Variants in XRRA1 observed in about 807,000 individuals in gnomAD.
The protein encoded by XRRA1 is X-ray radiation resistance associated 1.
A neutral mutation model predicts 80.2 loss-of-function variants in XRRA1; 69 were observed. The observed-to-expected ratio is 0.86, with a 90% CI of 0.71 to 1.05. The LOEUF (loss-of-function observed/expected upper bound fraction) is 1.05, where lower values mean the gene tolerates loss of function less well. XRRA1 is among the 50% of genes least tolerant of loss of function. XRRA1 has a pLI of 0.00. For missense variants in XRRA1, 967 were observed against 976.4 expected, an observed-to-expected ratio of 0.99 and a Z score of 0.13; for synonymous variants, 348 against 389.9, an observed-to-expected ratio of 0.89 and a Z score of 1.27.
chr11:74,877,040 C>G (rs761792201), intron 10 of XRRA1: 1 of 152,188 alleles, frequency 6.6e-6, no homozygotes, highest in East Asian at 1.9e-4. Flanking sequence ...GTTATACTTA[C>G]TCTGCTATTT....
At chr11:74,917,626 T>C (rs1304232196) in intron 8 of XRRA1, among the ~76,000 whole-genome samples, 2 of 152,198 alleles carry the variant, frequency 1.3e-5, no homozygotes, top group Non-Finnish European at 2.9e-5. Flanking sequence ...GGATATCACA[T>C]AAACCAAAAC....
intron 6 of XRRA1, among the ~76,000 whole-genome samples, chr11:74,929,536 A>C (rs532198048): frequency 6.6e-6 from 1 of 152,290 alleles, no homozygotes; most frequent in African/African-American, 2.4e-5. Context: ...AGTCGCTGCC[A>C]ATCTGTCTAG....
At chr11:74,930,444 C>T (rs767006627) in intron 5 of XRRA1, 72 bp from the exon 6 acceptor site, 1 of 1,216,162 alleles carries the variant, frequency 8.2e-7, no homozygotes, top group African/African-American at 1.5e-5. Context: ...CTTGCTGAAG[C>T]TTCAGGGCCA....
intron 10 of XRRA1, among the ~76,000 whole-genome samples, chr11:74,886,158 A>C (rs118190936): frequency 0.063 from 9,656 of 152,278 alleles, 417 homozygotes; most frequent in Middle Eastern, 0.14. Context: ...GGAACAAGAC[A>C]GGATGCCCAC....
intron 10 of XRRA1, among the ~76,000 whole-genome samples, chr11:74,872,753 C>G (rs995985899): frequency 6.6e-6 from 1 of 152,158 alleles, no homozygotes; most frequent in Non-Finnish European, 1.5e-5. Flanking sequence ...GCAGCTGAAA[C>G]TGTCATTACT....
At chr11:74,928,797 A>G (rs1942855895) in intron 6 of XRRA1, among the ~76,000 whole-genome samples, 1 of 152,160 alleles carries the variant, frequency 6.6e-6, no homozygotes, top group South Asian at 2.1e-4. Flanking sequence ...CCTGGAAGTA[A>G]AGCTACTAGA....
chr11:74,874,233 CAAAAAAAAAAAAAAAAAA>C (rs367875228), intron 10 of XRRA1, among the ~76,000 whole-genome samples: 2 of 48,292 alleles, frequency 4.1e-5, no homozygotes, highest in East Asian at 6.7e-4. Context: ...GACTCCGTCT[CAAAAAAAAAAAAAAAAAA>C]AAAAAAAAAA....
chr11:74,866,958 C>G (rs1326587899), intron 10 of XRRA1, among the ~76,000 whole-genome samples: 3 of 152,180 alleles, frequency 2.0e-5, no homozygotes, highest in Admixed American at 6.5e-5. Flanking sequence ...CTTTCCAAAT[C>G]TGGAGACTGG....
chr11:74,933,941 C>A (rs1161195040), intron 4 of XRRA1, 69 bp from the exon 5 acceptor site: 45 of 1,391,860 alleles, frequency 3.2e-5, no homozygotes, highest in Non-Finnish European at 1.0e-5. Context: ...TACCACTCAG[C>A]CTTCTCTTGT....
chr11:74,869,171 A>G (rs186052663), intron 10 of XRRA1, among the ~76,000 whole-genome samples: 6 of 152,344 alleles, frequency 3.9e-5, no homozygotes, highest in Admixed American at 2.6e-4. Flanking sequence ...ACAGCACCAT[A>G]AAATAGAAAT....
chr11:74,874,913 C>T (rs1335952685), intron 10 of XRRA1, among the ~76,000 whole-genome samples: 4 of 152,194 alleles, frequency 2.6e-5, no homozygotes, highest in Admixed American at 6.5e-5. Flanking sequence ...ATGCAATGTA[C>T]ACTCTGAATG....
In XRRA1 at chr11:74,940,797, C is replaced by T. The variant is rs150846342; in HGVS notation, c.82G>A (p.Val28Met). The part of the protein sequence containing the change: ...NCFPARNLLR[V>M]PEEGQGHWLV... Reference sequence around the variant, plus strand: ...GAAGTCACCTGACCTTCCTCCGGCACGCGAAGCAGATTTCTGGCTGGGAAG... The same window carrying T: ...GAAGTCACCTGACCTTCCTCCGGCATGCGAAGCAGATTTCTGGCTGGGAAG... Residue 28 changes from valine to methionine, a missense_variant, in exon 3 of 19, where the codon GTG (valine) becomes ATG (methionine). Physicochemically the swap from Val to Met is conservative, Grantham distance 21. Coordinates refer to ENST00000684022, the MANE Select transcript of XRRA1 (RefSeq NM_001378157.1). The T allele has an allele frequency of 1.9e-5, 31 of 1,605,836 alleles. No individual in the cohort carries two copies. The highest frequency in any genetic ancestry group is 1.2e-4 in the Admixed American group (7 of 58,918).
At chr11:74,896,661 G>C (rs745375202) in intron 10 of XRRA1, among the ~76,000 whole-genome samples, 54 of 152,304 alleles carry the variant, frequency 3.5e-4, no homozygotes, top group Admixed American at 8.5e-4. Flanking sequence ...GTCTGACACA[G>C]CACCAGTGGT....
intron 5 of XRRA1, chr11:74,931,935 T>C (rs1157905129): frequency 6.6e-6 from 1 of 152,202 alleles, no homozygotes; most frequent in Non-Finnish European, 1.5e-5. Context: ...AACTAATTTT[T>C]GCCAGTCTGA....
intron 12 of XRRA1, among the ~76,000 whole-genome samples, chr11:74,856,193 A>G (rs1348446722): frequency 1.3e-5 from 2 of 152,242 alleles, no homozygotes; most frequent in Non-Finnish European, 2.9e-5. Flanking sequence ...CCTATCATGT[A>G]TCAGGTAATA....
intron 8 of XRRA1, among the ~76,000 whole-genome samples, chr11:74,912,769 T>G (rs1028699698): frequency 1.3e-5 from 2 of 152,162 alleles, no homozygotes; most frequent in African/African-American, 4.8e-5. Flanking sequence ...TAAAACTAAT[T>G]AAGCTTAAAT....
chr11:74,871,969 T>G (rs1156663683), intron 10 of XRRA1, among the ~76,000 whole-genome samples: 1 of 152,134 alleles, frequency 6.6e-6, no homozygotes, highest in Non-Finnish European at 1.5e-5. Flanking sequence ...AGACAAGCAG[T>G]ATGTTTCTTA....
At chr11:74,875,650 C>G (rs2045880636) in intron 10 of XRRA1, among the ~76,000 whole-genome samples, 2 of 152,150 alleles carry the variant, frequency 1.3e-5, no homozygotes, top group South Asian at 4.1e-4. Flanking sequence ...GGGTGGATCA[C>G]TTGACATCAG....
chr11:74,882,542 G>A (rs540853330), intron 10 of XRRA1, among the ~76,000 whole-genome samples: 43 of 152,284 alleles, frequency 2.8e-4, no homozygotes, highest in African/African-American at 9.1e-4. Context: ...GGTTTGTTCC[G>A]TTGCTGGTGA....
Sources: allele counts gnomAD v4.1 joint callset (sites outside exome capture counted in the v4.1 genomes callset), GRCh38; gene constraint gnomAD v4.1.1; transcripts MANE v1.5; gene names NCBI Gene and HGNC (gene_info 2026-07-23, HGNC 2026-07-21).